CCSER1: variants seen among roughly 807,000 people sequenced by gnomAD.
CCSER1 encodes the protein coiled-coil serine rich protein 1.
A neutral mutation model predicts 82.0 loss-of-function variants in CCSER1; 41 were observed. The observed-to-expected ratio is 0.50, with a 90% CI of 0.39 to 0.65. CCSER1 has a LOEUF of 0.65. CCSER1 is among the 30% of genes least tolerant of loss of function. The pLI is 0.00. For missense variants in CCSER1, 1,119 were observed against 1,064.2 expected (o/e 1.05, Z -0.72); for synonymous variants, 414 against 383.9 (o/e 1.08, Z -0.92).
At chr4:90,914,993 T>C (rs1727086427) in intron 8 of CCSER1, among the ~76,000 whole-genome samples, 1 of 151,996 alleles carries the variant, frequency 6.6e-6, no homozygotes, top group Non-Finnish European at 1.5e-5. Flanking sequence ...AATAGACCAA[T>C]AACAGGCTCT....
chr4:91,186,716 C>T (rs930852539), intron 10 of CCSER1, among the ~76,000 whole-genome samples: 5 of 152,126 alleles, frequency 3.3e-5, no homozygotes, highest in African/African-American at 4.8e-5. Context: ...ATTAAATTAA[C>T]TAAAAGTATC....
At position 91,509,559 on chromosome 4, in the gene CCSER1, G is replaced by T. The variant is rs139632057; in HGVS notation, c.2218-89013G>T. 3.2e-3 allele frequency among the ~76,000 whole-genome samples: 485 copies of T among 152,174 alleles called. 1 individual carries two copies. The highest frequency in any genetic ancestry group is 4.9e-3 in the Non-Finnish European group (334 of 67,994). On this transcript the variant is annotated intron_variant, in intron 10 of 10. Coordinates refer to ENST00000509176, the MANE Select transcript of CCSER1 (RefSeq NM_001145065.2). ...ATAATATATCTACTATTGCTGAGTG[G>T]AGTGTTATATAGATTTCTGTTGAAT...
chr4:90,836,998 T>C (rs1051960201), intron 8 of CCSER1, among the ~76,000 whole-genome samples: 2 of 152,180 alleles, frequency 1.3e-5, no homozygotes, highest in Non-Finnish European at 2.9e-5. Context: ...AAAAATAAAA[T>C]TTAATCAACC....
intron 7 of CCSER1, among the ~76,000 whole-genome samples, chr4:90,760,372 A>G (rs1750232223): frequency 6.6e-6 from 1 of 152,046 alleles, no homozygotes. Flanking sequence ...TTCCTGTCAT[A>G]TAAAATCTGA....
At chr4:91,434,324 G>T (rs1754512643) in intron 10 of CCSER1, among the ~76,000 whole-genome samples, 1 of 152,006 alleles carries the variant, frequency 6.6e-6, no homozygotes, top group Non-Finnish European at 1.5e-5. Flanking sequence ...TGGAAAAACG[G>T]CGTAGCAACT....
At chr4:91,581,280 C>T (rs1763714778) in intron 10 of CCSER1, among the ~76,000 whole-genome samples, 1 of 151,686 alleles carries the variant, frequency 6.6e-6, no homozygotes, top group African/African-American at 2.4e-5. Flanking sequence ...TTGCTGGCCT[C>T]TTCTCATAGC....
intron 5 of CCSER1, among the ~76,000 whole-genome samples, chr4:90,562,852 T>C (rs199736590): frequency 1.5e-5 from 2 of 137,316 alleles, no homozygotes; most frequent in African/African-American, 2.7e-5. Context: ...TTTTTTTTTT[T>C]AAAAAAAAAA....
intron 3 of CCSER1, among the ~76,000 whole-genome samples, chr4:90,326,858 T>C (rs1738308199): frequency 6.6e-6 from 1 of 152,194 alleles, no homozygotes; most frequent in African/African-American, 2.4e-5. Context: ...ACCAGTGACC[T>C]CATTTGTACA....
intron 5 of CCSER1, among the ~76,000 whole-genome samples, chr4:90,522,953 C>T (rs1773315958): frequency 6.6e-6 from 1 of 151,966 alleles, no homozygotes; most frequent in Non-Finnish European, 1.5e-5. Context: ...ATACTATTGG[C>T]TGCTCATTTT....
intron 10 of CCSER1, among the ~76,000 whole-genome samples, chr4:91,493,417 A>C (rs987832460): frequency 2.7e-5 from 4 of 149,246 alleles, no homozygotes; most frequent in Non-Finnish European, 1.5e-5. Flanking sequence ...CATAATTTCT[A>C]CATGTTCAAG....
At chr4:90,494,401 T>A (rs1315077192) in intron 5 of CCSER1, among the ~76,000 whole-genome samples, 1 of 152,188 alleles carries the variant, frequency 6.6e-6, no homozygotes, top group Non-Finnish European at 1.5e-5. Flanking sequence ...AAGTCAGCTC[T>A]GCACCAAGCA....
Position 90,536,121 on chromosome 4 carries a change from C to T in CCSER1, c.1724+67767C>T, listed in dbSNP as rs141627390. 2.8e-3 allele frequency among the ~76,000 whole-genome samples: 419 copies of T among 149,456 alleles called. 1 individual carries two copies. The highest frequency in any genetic ancestry group is 0.01 in the African/African-American group (406 of 40,114). ...GATCTCAGCTCACTGCAACCTTTGC[C>T]TCCTGGGTTCAAGCAATTCTCCTGC... On this transcript the variant is annotated intron_variant, in intron 5 of 10. Coordinates refer to ENST00000509176, the MANE Select transcript of CCSER1 (RefSeq NM_001145065.2).
chr4:90,623,825 C>A (rs1051336239), intron 5 of CCSER1, among the ~76,000 whole-genome samples: 1 of 152,090 alleles, frequency 6.6e-6, no homozygotes, highest in Non-Finnish European at 1.5e-5. Context: ...TAATCAACAG[C>A]CTTTTTGTAG....
intron 10 of CCSER1, among the ~76,000 whole-genome samples, chr4:91,149,315 T>G (rs1401548336): frequency 2.0e-5 from 3 of 152,250 alleles, no homozygotes; most frequent in Admixed American, 6.5e-5. Flanking sequence ...CTTTGCTCAC[T>G]TGTTGATGGG....
intron 1 of CCSER1, among the ~76,000 whole-genome samples, chr4:90,232,971 A>G (rs1016913377): frequency 3.3e-5 from 5 of 150,806 alleles, no homozygotes; most frequent in Admixed American, 6.6e-5. Flanking sequence ...AAGTCAGGAA[A>G]CAACAGGTGC....
chr4:90,422,757 A>T (rs541100157), intron 4 of CCSER1, among the ~76,000 whole-genome samples: 1 of 152,220 alleles, frequency 6.6e-6, no homozygotes, highest in Non-Finnish European at 1.5e-5. Flanking sequence ...TTTGGGTAAC[A>T]TTACAGAAGC....
At chr4:90,700,711 A>G (rs1737897956) in intron 6 of CCSER1, among the ~76,000 whole-genome samples, 1 of 152,012 alleles carries the variant, frequency 6.6e-6, no homozygotes, top group Non-Finnish European at 1.5e-5. Context: ...TCTCACTGTG[A>G]TTTTGATTTG....
At position 91,150,243 on chromosome 4, in the gene CCSER1, T is replaced by C. The variant is rs1443394201; in HGVS notation, c.2217+64249T>C. Among the ~76,000 whole-genome samples, 3 of 152,328 alleles carry C rather than the reference T, an allele frequency of 2.0e-5. No homozygotes were observed. In the East Asian group the frequency reaches 5.8e-4, roughly 29 times the overall value. On this transcript the variant is annotated intron_variant, in intron 10 of 10. Coordinates refer to ENST00000509176, the MANE Select transcript of CCSER1 (RefSeq NM_001145065.2). ...AGTATTTTATTCTCTGTGAAGAAAT[T>C]GTGATTGAGAGTTCACTTATGATTT...
Position 90,627,689 on chromosome 4 carries a change from A to G in CCSER1, c.1725-336A>G, listed in dbSNP as rs141751427. Among the ~76,000 whole-genome samples, 122 of 152,168 alleles carry G rather than the reference A, an allele frequency of 8.0e-4. 1 individual carries two copies. The East Asian group carries it at 0.017, about 21-fold the overall frequency. ...GAATGTGTGAAAATTTTAAAAAACT[A>G]CTATCATGAGGATGGAAGCAGTGGT... On this transcript the variant is annotated intron_variant, in intron 5 of 10. Coordinates refer to ENST00000509176, the MANE Select transcript of CCSER1 (RefSeq NM_001145065.2).
Sources: gnomAD v4.1 joint callset for allele counts (sites outside exome capture counted in the v4.1 genomes callset) on GRCh38, gnomAD v4.1.1 for gene constraint, MANE v1.5 for transcripts, NCBI Gene and HGNC (gene_info 2026-07-23, HGNC 2026-07-21) for gene names.